INPP5A: variants seen among roughly 807,000 people sequenced by gnomAD.
The protein encoded by INPP5A is 43 kDa inositol polyphosphate 5-phophatase.
In INPP5A, 14 loss-of-function variants were observed where a neutral mutation model predicts 65.2. That is an observed-to-expected ratio of 0.21 (90% CI 0.14 to 0.34). INPP5A has a LOEUF of 0.34. INPP5A is among the 10% of genes least tolerant of loss of function. The pLI is 1.00. For synonymous variants in INPP5A, 207 were observed against 208.3 expected (o/e 0.99, Z 0.05); for missense variants, 431 against 545.6 (o/e 0.79, Z 2.09).
Position 132,705,749 on chromosome 10 carries a change from G to T in INPP5A, c.475-2564G>T, listed in dbSNP as rs1845528192. ...CTTGGAGCCACCTGTGGACCCTGAG[G>T]GTGCGTCTGTGGGTGCCTCAGTATC... On this transcript the variant is annotated intron_variant, in intron 6 of 15. Coordinates refer to ENST00000368594, the MANE Select transcript of INPP5A (RefSeq NM_005539.5). The surrounding 1 kb of genome is among the most constrained non-coding windows in gnomAD (Gnocchi z 4.9). 6.6e-6 allele frequency among the ~76,000 whole-genome samples: 1 copy of T among 152,186 alleles called. No homozygotes were observed. Among genetic ancestry groups the T allele is most frequent in the Non-Finnish European group, 1.5e-5 (1 of 68,038 alleles).
chr10:132,619,300 G>A (rs894983135), intron 2 of INPP5A, among the ~76,000 whole-genome samples: 1 of 152,198 alleles, frequency 6.6e-6, no homozygotes, highest in African/African-American at 2.4e-5. Context: ...CCAGTAGGGC[G>A]GCTATTAAAT....
intron 9 of INPP5A, among the ~76,000 whole-genome samples, chr10:132,742,639 T>C (rs1846295260): frequency 6.6e-6 from 1 of 152,172 alleles, no homozygotes; most frequent in African/African-American, 2.4e-5. Context: ...CGGGCACAGC[T>C]TTCCATAAAT....
intron 8 of INPP5A, among the ~76,000 whole-genome samples, chr10:132,722,620 C>A (rs12249958): frequency 6.6e-6 from 1 of 152,130 alleles, no homozygotes; most frequent in African/African-American, 2.4e-5. Flanking sequence ...CTTTAATCTG[C>A]GGTGTCGTGA....
chr10:132,753,442 C>T lies in INPP5A; in HGVS notation c.903+3597C>T, dbSNP rs972311124. Among the ~76,000 whole-genome samples, 1 of 152,198 alleles carries T rather than the reference C, an allele frequency of 6.6e-6. No individual in the cohort carries two copies. Among genetic ancestry groups the T allele is most frequent in the African/African-American group, 2.4e-5 (1 of 41,444 alleles). ...ACAGAAATTTAATTCAGGCTGGCTC[C>T]TGAAAATAATTATTGTATTTTAAGA... On this transcript the variant is annotated intron_variant, in intron 11 of 15. Transcript: ENST00000368594. The surrounding 1 kb of genome is among the most constrained non-coding windows in gnomAD (Gnocchi z 5.3).
At chr10:132,701,178 C>T (rs1308005996) in intron 6 of INPP5A, among the ~76,000 whole-genome samples, 1 of 152,176 alleles carries the variant, frequency 6.6e-6, no homozygotes, top group Non-Finnish European at 1.5e-5. Flanking sequence ...ATTCGCTATC[C>T]ATCTGCCTGC....
rs753049126 is a variant in INPP5A, at chr10:132,698,531, G to A, written c.474+612G>A. On this transcript the variant is annotated intron_variant, in intron 6 of 15. Coordinates refer to ENST00000368594, the MANE Select transcript of INPP5A (RefSeq NM_005539.5). This position sits in a 1 kb window ranked among gnomAD's most constrained non-coding sequence, Gnocchi z 5.5. ...ACTTTGCTGAGCTGTGTGCGCGGCT[G>A]TTGCTCTGTGCACGTGATCTTTGGG... Among the ~76,000 whole-genome samples the A allele has an allele frequency of 6.6e-6, 1 of 152,252 alleles. No individual in the cohort carries two copies. The highest frequency in any genetic ancestry group is 1.5e-5 in the Non-Finnish European group (1 of 68,048).
At chr10:132,618,486 A>G (rs2072070404) in intron 2 of INPP5A, among the ~76,000 whole-genome samples, 1 of 152,252 alleles carries the variant, frequency 6.6e-6, no homozygotes, top group East Asian at 1.9e-4. Context: ...CACTCTCATT[A>G]TTGCTCATTT....
intron 2 of INPP5A, among the ~76,000 whole-genome samples, chr10:132,622,118 C>G (rs1380790307): frequency 6.6e-6 from 1 of 152,154 alleles, no homozygotes; most frequent in Non-Finnish European, 1.5e-5. Flanking sequence ...TAATTGGAGA[C>G]TTAAAAAATA....
intron 4 of INPP5A, among the ~76,000 whole-genome samples, chr10:132,653,110 G>C (rs1346403692): frequency 6.6e-6 from 1 of 152,256 alleles, no homozygotes; most frequent in Non-Finnish European, 1.5e-5. Context: ...GCCCTGGCCA[G>C]AGCAGGCCTC....
Position 132,538,946 on chromosome 10 carries a change from C to T in INPP5A, c.75+775C>T, listed in dbSNP as rs2070876082. Among the ~76,000 whole-genome samples the T allele has an allele frequency of 2.0e-5, 3 of 152,082 alleles. No individual in the cohort carries two copies. In the South Asian group the frequency reaches 6.2e-4, roughly 31 times the overall value. Reference sequence around the variant, plus strand: ...TCAACCTCAGGCCCCAGCTTATGGCCCTGAACACTTGTCCTTGACCCCTGA... The same window carrying T: ...TCAACCTCAGGCCCCAGCTTATGGCTCTGAACACTTGTCCTTGACCCCTGA... On this transcript the variant is annotated intron_variant, in intron 1 of 15. Coordinates refer to ENST00000368594, the MANE Select transcript of INPP5A (RefSeq NM_005539.5). This position sits in a 1 kb window ranked among gnomAD's most constrained non-coding sequence, Gnocchi z 4.1.
chr10:132,558,198 G>A (rs143492918), intron 1 of INPP5A, among the ~76,000 whole-genome samples: 93 of 152,270 alleles, frequency 6.1e-4, no homozygotes, highest in African/African-American at 2.1e-3. Flanking sequence ...TAGCCTTCCC[G>A]CCAGCTGCGC....
chr10:132,580,752 A>G (rs1156265839), intron 1 of INPP5A, among the ~76,000 whole-genome samples: 1 of 152,186 alleles, frequency 6.6e-6, no homozygotes, highest in Non-Finnish European at 1.5e-5. Flanking sequence ...GTTTTACTCT[A>G]CTTGTTTTAG....
At chr10:132,658,742 G>A (rs936633879) in intron 4 of INPP5A, among the ~76,000 whole-genome samples, 1 of 151,946 alleles carries the variant, frequency 6.6e-6, no homozygotes, top group Non-Finnish European at 1.5e-5. Flanking sequence ...AAGGAGGCTG[G>A]GTTGTATGTC....
chr10:132,765,226 G>GT (rs952920407), intron 11 of INPP5A, among the ~76,000 whole-genome samples: 44 of 152,206 alleles, frequency 2.9e-4, no homozygotes, highest in African/African-American at 1.0e-3. Flanking sequence ...CCTGGGGCTT[G>GT]TTTTGGAAGA....
At position 132,683,071 on chromosome 10, in the gene INPP5A, C is replaced by T. The variant is rs573028865; in HGVS notation, c.307-7321C>T. Among the ~76,000 whole-genome samples the T allele has an allele frequency of 1.1e-4, 17 of 149,710 alleles. No individual in the cohort carries two copies. The East Asian group carries it at 2.2e-3, about 19-fold the overall frequency. ...CATCTGTGTATTATATACATATGTA[C>T]GCACATTTAATCCACGTGCACACGT... On this transcript the variant is annotated intron_variant, in intron 4 of 15. Coordinates refer to ENST00000368594, the MANE Select transcript of INPP5A (RefSeq NM_005539.5).
rs1351987282 is a variant in INPP5A at position 132,550,650 on chromosome 10, C to T, written c.75+12479C>T. ...GCTGGGCTCGCTGGCCACAGGACGT[C>T]CACTGTAGGACAGCTGGGAGTGGGG... On this transcript the variant is annotated intron_variant, in intron 1 of 15. Transcript: ENST00000368594. This position sits in a 1 kb window ranked among gnomAD's most constrained non-coding sequence, Gnocchi z 4.2. Among the ~76,000 whole-genome samples the T allele has an allele frequency of 1.3e-5, 2 of 152,214 alleles. No individual in the cohort carries two copies. Among genetic ancestry groups the T allele is most frequent in the South Asian group, 2.1e-4 (1 of 4,834 alleles).
intron 4 of INPP5A, among the ~76,000 whole-genome samples, chr10:132,667,987 G>C (rs956181763): frequency 6.6e-6 from 1 of 152,332 alleles, no homozygotes; most frequent in South Asian, 2.1e-4. Context: ...CCGGAGCTTT[G>C]ACCTTTTTGC....
rs892989865 is a variant in INPP5A, at chr10:132,592,179, A to C, written c.76-15736A>C. Among the ~76,000 whole-genome samples, 4 of 152,222 alleles carry C rather than the reference A, an allele frequency of 2.6e-5. 1 individual carries two copies. Among genetic ancestry groups the C allele is most frequent in the Admixed American group, 2.0e-4 (3 of 15,278 alleles). On this transcript the variant is annotated intron_variant, in intron 1 of 15. Transcript: ENST00000368594. ...CAGAAAAAAACCCCAGAAAGACAGC[A>C]AATTAAGGAAATGGCAACAGTTTGA...
intron 1 of INPP5A, among the ~76,000 whole-genome samples, chr10:132,589,160 C>T (rs544694247): frequency 1.2e-4 from 18 of 152,352 alleles, no homozygotes; most frequent in South Asian, 2.1e-4. Flanking sequence ...ATCTGCGCCA[C>T]GTGCAGGGTT....
Sources: gnomAD v4.1 joint callset for allele counts (sites outside exome capture counted in the v4.1 genomes callset) on GRCh38, gnomAD v4.1.1 for gene constraint, Gnocchi (gnomAD v3.1) non-coding constraint, MANE v1.5 for transcripts, NCBI Gene and HGNC (gene_info 2026-07-23, HGNC 2026-07-21) for gene names.